The following SORCS2 variants were observed in gnomAD, a reference collection of about 807,000 sequenced individuals.
SORCS2 encodes the protein sortilin related VPS10 domain containing receptor 2.
Under a neutral mutation model 141.6 loss-of-function variants are expected in SORCS2, and 100 were observed. The ratio of observed to expected loss-of-function variants is 0.71; its 90% CI spans 0.60 to 0.83. The LOEUF (loss-of-function observed/expected upper bound fraction) is 0.83. Among genes scored for constraint, SORCS2 ranks in the 40% least tolerant of loss-of-function variants. SORCS2 has a pLI of 0.00. For missense variants in SORCS2, 1,646 were observed against 1,560.2 expected, an observed-to-expected ratio of 1.05 and a Z score of -0.93; for synonymous variants, 789 against 676.9, an observed-to-expected ratio of 1.17 and a Z score of -2.57.
intron 2 of SORCS2, among the ~76,000 whole-genome samples, chr4:7,523,484 G>A (rs546301889): frequency 4.6e-4 from 70 of 152,272 alleles, no homozygotes; most frequent in African/African-American, 1.6e-3. Flanking sequence ...GGAGATCTGT[G>A]TGGGCTTCAG....
chr4:7,661,623 C>T (rs1158614574), intron 6 of SORCS2, 59 bp downstream of exon 6: 1 of 1,466,854 alleles, frequency 6.8e-7, no homozygotes, highest in African/African-American at 1.4e-5. Flanking sequence ...CCCGACACAG[C>T]TCGGCTGCAC....
rs183293171 is a variant in SORCS2 at position 7,474,933 on chromosome 4, C to T, written c.549-56597C>T. Among the ~76,000 whole-genome samples the T allele has an allele frequency of 2.3e-3, 356 of 152,258 alleles. 1 individual carries two copies. Among genetic ancestry groups the T allele is most frequent in the Non-Finnish European group, 3.6e-3 (243 of 68,012 alleles). On this transcript the variant is annotated intron_variant, in intron 2 of 26. Coordinates refer to ENST00000507866, the MANE Select transcript of SORCS2 (RefSeq NM_020777.3). ...GCCCTGGCAGTCTGTGGCTTACAGA[C>T]TCCTCCCCCAGTCACTGTCTCCATC...
intron 4 of SORCS2, among the ~76,000 whole-genome samples, chr4:7,641,652 A>G (rs1344703829): frequency 1.3e-5 from 2 of 151,790 alleles, no homozygotes; most frequent in African/African-American, 4.8e-5. Context: ...TTTAATCTAA[A>G]GTGCCCGGCT....
intron 3 of SORCS2, among the ~76,000 whole-genome samples, chr4:7,540,166 CTG>C (rs1381811392): frequency 4.0e-4 from 1 of 2,514 alleles, no homozygotes; most frequent in Non-Finnish European, 5.0e-3. Context: ...CTGCCTCTCC[CTG>C]CCCCTCCCTG....
At chr4:7,628,571 T>G (rs768421476) in intron 3 of SORCS2, among the ~76,000 whole-genome samples, 2 of 151,372 alleles carry the variant, frequency 1.3e-5, no homozygotes, top group Admixed American at 1.3e-4. Flanking sequence ...ATCAGCATGT[T>G]CAGCAGCACT....
At chr4:7,592,131 T>C (rs367813498) in intron 3 of SORCS2, among the ~76,000 whole-genome samples, 2 of 152,212 alleles carry the variant, frequency 1.3e-5, no homozygotes, top group South Asian at 4.1e-4. Flanking sequence ...AGTTTGGCTC[T>C]CTCGACAAAG....
At position 7,223,238 on chromosome 4, in the gene SORCS2, G is replaced by C. The variant is rs1029652946; in HGVS notation, c.480+30112G>C. 5.9e-5 allele frequency among the ~76,000 whole-genome samples: 9 copies of C among 151,922 alleles called. No individual in the cohort carries two copies. The South Asian group carries it at 1.0e-3, about 18-fold the overall frequency. ...TCACAGATACCAATGGCCAGCTTTT[G>C]GTGCCTTCTCATTGCATTTTTCTTC... On this transcript the variant is annotated intron_variant, in intron 1 of 26. Transcript: ENST00000507866.
chr4:7,713,615 C>T, intron 15 of SORCS2, among the ~76,000 whole-genome samples: 1 of 152,102 alleles, frequency 6.6e-6, no homozygotes, highest in East Asian at 1.9e-4. Context: ...GAGAATTTGA[C>T]ATCACCTGGG....
chr4:7,339,654 A>C (rs956491196), intron 1 of SORCS2, among the ~76,000 whole-genome samples: 3 of 152,096 alleles, frequency 2.0e-5, no homozygotes, highest in Non-Finnish European at 4.4e-5. Flanking sequence ...AAATGACCTC[A>C]TTTTACCTTG....
chr4:7,718,635 C>T (rs1726363731), intron 18 of SORCS2, among the ~76,000 whole-genome samples: 2 of 152,150 alleles, frequency 1.3e-5, no homozygotes, highest in South Asian at 4.1e-4. Flanking sequence ...AAAATAAATC[C>T]TGTGTGTGCA....
At chr4:7,490,030 A>G (rs10032900) in intron 2 of SORCS2, among the ~76,000 whole-genome samples, 63,527 of 152,046 alleles carry the variant, frequency 0.42, 13,979 homozygotes, top group Middle Eastern at 0.49. Context: ...TCTCCAGACA[A>G]CAGGAGGAGT....
chr4:7,639,003 C>A (rs1157973207), intron 4 of SORCS2, among the ~76,000 whole-genome samples: 9 of 152,278 alleles, frequency 5.9e-5, no homozygotes, highest in Non-Finnish European at 1.5e-5. Context: ...GAGGCTTTGT[C>A]CCCCGGTGAG....
intron 3 of SORCS2, among the ~76,000 whole-genome samples, chr4:7,554,462 T>C (rs1251031050): frequency 1.3e-5 from 2 of 152,040 alleles, no homozygotes; most frequent in Non-Finnish European, 2.9e-5. Flanking sequence ...TCATTGGCCC[T>C]CCCCCAGAGG....
In SORCS2 at chr4:7,204,668, A is replaced by G. The variant is rs113868420; in HGVS notation, c.480+11542A>G. Reference sequence around the variant, plus strand: ...GAGAAACATGTGTGGCATTAGGACAATCCCGTGCCTAGAAGGGACACGGTG... The same window carrying G: ...GAGAAACATGTGTGGCATTAGGACAGTCCCGTGCCTAGAAGGGACACGGTG... On this transcript the variant is annotated intron_variant, in intron 1 of 26. Transcript: ENST00000507866. Among the ~76,000 whole-genome samples the G allele has an allele frequency of 1.6e-4, 25 of 152,284 alleles. No homozygotes were observed. The East Asian group carries it at 4.2e-3, about 26-fold the overall frequency.
intron 1 of SORCS2, among the ~76,000 whole-genome samples, chr4:7,271,573 G>T (rs2108842720): frequency 6.6e-6 from 1 of 152,282 alleles, no homozygotes; most frequent in East Asian, 1.9e-4. Context: ...CTTTCCAATG[G>T]CATTTCCCTC....
rs75995330 is a variant in SORCS2 at position 7,435,920 on chromosome 4, C to T, written c.548+39565C>T. Among the ~76,000 whole-genome samples the T allele has an allele frequency of 2.4e-4, 36 of 152,336 alleles. 1 individual carries two copies. Among genetic ancestry groups the T allele is most frequent in the African/African-American group, 8.4e-4 (35 of 41,586 alleles). On this transcript the variant is annotated intron_variant, in intron 2 of 26. Transcript: ENST00000507866. ...TCCCCTAGCCCCACATGTGGGTGTCCTCAGCTCAGCTTCCTGGGCTTGGGT... is the reference window on the plus strand; with the variant it reads ...TCCCCTAGCCCCACATGTGGGTGTCTTCAGCTCAGCTTCCTGGGCTTGGGT...
intron 14 of SORCS2, among the ~76,000 whole-genome samples, chr4:7,706,621 C>G (rs1487555508): frequency 2.6e-4 from 24 of 90,754 alleles, no homozygotes; most frequent in South Asian, 1.1e-3. Context: ...ATGAGGCTGG[C>G]CTCTGCCTGG....
At chr4:7,307,775 TTGTGCATGAGTG>T (rs1198045799) in intron 1 of SORCS2, among the ~76,000 whole-genome samples, 1 of 151,800 alleles carries the variant, frequency 6.6e-6, no homozygotes, top group Non-Finnish European at 1.5e-5. Flanking sequence ...GCCCATGAGT[TTGTGCATGAGTG>T]TGTGTGTGCA....
chr4:7,724,887 T>TA, intron 19 of SORCS2, among the ~76,000 whole-genome samples: 3 of 65,930 alleles, frequency 4.6e-5, no homozygotes, highest in South Asian at 1.0e-3. Flanking sequence ...ATGGTGGTGG[T>TA]GTTGGTGATG....
Sources: allele counts gnomAD v4.1 joint callset (sites outside exome capture counted in the v4.1 genomes callset), GRCh38; gene constraint gnomAD v4.1.1; transcripts MANE v1.5; gene names NCBI Gene and HGNC (gene_info 2026-07-23, HGNC 2026-07-21).